The following XIRP2 variants were observed in gnomAD, a reference collection of about 807,000 sequenced individuals.
XIRP2 encodes xin actin binding repeat containing 2.
In XIRP2, 236 loss-of-function variants were observed where a neutral mutation model predicts 277.0. The ratio of observed to expected loss-of-function variants is 0.85; its 90% CI spans 0.77 to 0.95. XIRP2 has a LOEUF of 0.95. Ranked by LOEUF, XIRP2 falls within the 40% of genes least tolerant of loss-of-function variation. The pLI, the probability that XIRP2 is intolerant of heterozygous loss-of-function variation, is 0.00. For synonymous variants in XIRP2, 1,490 were observed against 1,416.5 expected (o/e 1.05, Z -1.17); for missense variants, 4,640 against 4,157.5 (o/e 1.12, Z -3.19).
intron 2 of XIRP2, among the ~76,000 whole-genome samples, chr2:167,084,842 A>G (rs1179642958): frequency 1.3e-5 from 2 of 149,764 alleles, no homozygotes; most frequent in African/African-American, 4.9e-5. Flanking sequence ...TTTTTTCTTT[A>G]TTAGTCTTGC....
chr2:167,019,129 C>T (rs1021961539), intron 2 of XIRP2, among the ~76,000 whole-genome samples: 1 of 151,932 alleles, frequency 6.6e-6, no homozygotes, highest in African/African-American at 2.4e-5. Context: ...GCCAAGGAAA[C>T]TCTGAAATTT....
chr2:167,032,406 A>T (rs1688389167), intron 2 of XIRP2, among the ~76,000 whole-genome samples: 1 of 152,206 alleles, frequency 6.6e-6, no homozygotes, highest in African/African-American at 2.4e-5. Context: ...CTTCATGACT[A>T]AAACACCAAA....
At chr2:167,238,551 CATTA>C (rs1694965122) in intron 5 of XIRP2, among the ~76,000 whole-genome samples, 1 of 152,014 alleles carries the variant, frequency 6.6e-6, no homozygotes, top group Non-Finnish European at 1.5e-5. Flanking sequence ...CATCTACTGG[CATTA>C]ATTTTATACC....
rs534191347 is a variant in XIRP2, at chr2:167,234,174, C to A, written c.859-5681C>A. Among the ~76,000 whole-genome samples, 6 of 151,448 alleles carry A rather than the reference C, an allele frequency of 4.0e-5. 1 individual carries two copies. Among genetic ancestry groups the A allele is most frequent in the African/African-American group, 1.4e-4 (6 of 41,426 alleles). ...GACAGCAAAATTTTGTACTTTTAAG[C>A]CAATTATTTTCTTTATTAAAAATGA... On this transcript the variant is annotated intron_variant, in intron 5 of 10. Coordinates refer to ENST00000409195, the MANE Select transcript of XIRP2 (RefSeq NM_152381.6).
intron 2 of XIRP2, among the ~76,000 whole-genome samples, chr2:166,933,118 G>A (rs933281800): frequency 6.6e-6 from 1 of 151,038 alleles, no homozygotes; most frequent in African/African-American, 2.4e-5. Context: ...GCACCTTCTG[G>A]AATTTTAATT....
At chr2:167,201,108 A>G (rs973806384) in intron 3 of XIRP2, among the ~76,000 whole-genome samples, 2 of 150,720 alleles carry the variant, frequency 1.3e-5, no homozygotes, top group African/African-American at 2.4e-5. Flanking sequence ...CCTAGACAAC[A>G]GAGTGAGGCT....
At chr2:167,093,651 C>G (rs956295944) in intron 2 of XIRP2, among the ~76,000 whole-genome samples, 1 of 152,052 alleles carries the variant, frequency 6.6e-6, no homozygotes, top group Non-Finnish European at 1.5e-5. Context: ...TGAACTCATT[C>G]TTTTTTATGG....
At chr2:166,934,860 A>AAT (rs1020928084) in intron 2 of XIRP2, among the ~76,000 whole-genome samples, 3 of 139,798 alleles carry the variant, frequency 2.1e-5, no homozygotes. Context: ...TAAAAAAAAA[A>AAT]TTTTTTAAAA....
rs962052333 is a variant in XIRP2, at chr2:167,218,188, G to T, written c.746G>T (p.Cys249Phe). ...SANMMEESEM[C>F]AVPGGLAKVK... ...TAGATGATGGAAGAATCAGAAATGT[G>T]CGCAGTGCCTGGTGGTTTGGCCAAG... The change falls in exon 5 of 11, where the codon TGC becomes TTC. Residue 249 changes from cysteine to phenylalanine, a missense_variant. Transcript: ENST00000409195. The T allele has an allele frequency of 6.2e-7, 1 of 1,600,642 alleles. No homozygotes were observed. The highest frequency in any genetic ancestry group is 8.5e-7 in the Non-Finnish European group (1 of 1,174,454).
intron 3 of XIRP2, among the ~76,000 whole-genome samples, chr2:167,173,068 G>T (rs556497072): frequency 2.0e-5 from 3 of 152,088 alleles, no homozygotes; most frequent in South Asian, 2.1e-4. Flanking sequence ...CTCCATCCGG[G>T]GTCCCTGACT....
chr2:167,251,978 T>G (rs566050488), intron 9 of XIRP2, 31 bp downstream of exon 9: 5 of 1,519,450 alleles, frequency 3.3e-6, no homozygotes, highest in Non-Finnish European at 4.4e-6. Context: ...TTAAAGAAGA[T>G]TAACCATTTA....
chr2:167,041,590 C>T lies in XIRP2; in HGVS notation c.409-94319C>T, dbSNP rs543116280. Among the ~76,000 whole-genome samples the T allele has an allele frequency of 5.9e-5, 9 of 152,130 alleles. No homozygotes were observed. The South Asian group carries it at 1.7e-3, about 28-fold the overall frequency. ...AGAAAGAACCTCAGAGCTTAAAGAC[C>T]AGTCCTTTAATTCTACTCAGTCAGA... On this transcript the variant is annotated intron_variant, in intron 2 of 10. Coordinates refer to ENST00000409195, the MANE Select transcript of XIRP2 (RefSeq NM_152381.6).
intron 3 of XIRP2, among the ~76,000 whole-genome samples, chr2:167,160,319 A>G (rs535939664): frequency 6.6e-6 from 1 of 152,286 alleles, no homozygotes; most frequent in East Asian, 1.9e-4. Flanking sequence ...CTCATTTTTT[A>G]TTCTATGGAT....
In XIRP2 at chr2:167,174,441, C is replaced by T. The variant is rs186080173; in HGVS notation, c.563-36294C>T. 2.6e-5 allele frequency among the ~76,000 whole-genome samples: 4 copies of T among 152,248 alleles called. No individual in the cohort carries two copies. In the East Asian group the frequency reaches 5.8e-4, roughly 22 times the overall value. ...TATTCTCTGATGGTAGCTTGTATTG[C>T]TGTGGGATCAGTGGTGAGCTCCCCT... On this transcript the variant is annotated intron_variant, in intron 3 of 10. Coordinates refer to ENST00000409195, the MANE Select transcript of XIRP2 (RefSeq NM_152381.6).
intron 2 of XIRP2, among the ~76,000 whole-genome samples, chr2:166,983,342 T>C (rs1437872084): frequency 6.6e-6 from 1 of 152,160 alleles, no homozygotes; most frequent in Non-Finnish European, 1.5e-5. Flanking sequence ...CCCAAGTTTT[T>C]GTTTCTTGTC....
intron 2 of XIRP2, among the ~76,000 whole-genome samples, chr2:166,997,682 A>G (rs1687259590): frequency 6.6e-6 from 1 of 152,026 alleles, no homozygotes; most frequent in African/African-American, 2.4e-5. Context: ...TGAGGCAGGT[A>G]GATCACTAGG....
intron 2 of XIRP2, among the ~76,000 whole-genome samples, chr2:166,995,547 T>C (rs999470333): frequency 2.0e-5 from 3 of 152,202 alleles, no homozygotes; most frequent in Non-Finnish European, 4.4e-5. Flanking sequence ...ATTTGTTCTA[T>C]TGCAATTGAG....
rs1023559419 is a variant in XIRP2, at chr2:167,009,304, A to G, written c.408+105414A>G. On this transcript the variant is annotated intron_variant, in intron 2 of 10. Transcript: ENST00000409195. Reference sequence around the variant, plus strand: ...GTTCAATTCCCACCTATGAGTGAGAATATGTGGTGTTTGGTTTTTTGTTCT... The same window carrying G: ...GTTCAATTCCCACCTATGAGTGAGAGTATGTGGTGTTTGGTTTTTTGTTCT... Among the ~76,000 whole-genome samples, 3 of 146,082 alleles carry G rather than the reference A, an allele frequency of 2.1e-5. No homozygotes were observed. The Admixed American group carries it at 2.1e-4, about 10-fold the overall frequency.
rs143401691 is a variant in XIRP2, at chr2:167,082,943, T to C, written c.409-52966T>C. Among the ~76,000 whole-genome samples the C allele has an allele frequency of 2.1e-3, 320 of 152,332 alleles. 13 individuals carry two copies. In the East Asian group the frequency reaches 0.056, roughly 27 times the overall value. On this transcript the variant is annotated intron_variant, in intron 2 of 10. Coordinates refer to ENST00000409195, the MANE Select transcript of XIRP2 (RefSeq NM_152381.6). ...CTTTTGCTGTGCAGAAGCTCTTTAG[T>C]TTAATTAGATCCCGTTTGTCAATTT...
Sources: allele counts gnomAD v4.1 joint callset (sites outside exome capture counted in the v4.1 genomes callset), GRCh38; gene constraint gnomAD v4.1.1; transcripts MANE v1.5; gene names NCBI Gene and HGNC (gene_info 2026-07-23, HGNC 2026-07-21).